The following SCN11A variants were observed in gnomAD, a reference collection of about 807,000 sequenced individuals.
SCN11A encodes the protein sodium channel protein type 11 subunit alpha.
Under a neutral mutation model 162.2 loss-of-function variants are expected in SCN11A, and 122 were observed. The ratio of observed to expected loss-of-function variants is 0.75; its 90% CI spans 0.65 to 0.87. The LOEUF (loss-of-function observed/expected upper bound fraction) is 0.87. Ranked by LOEUF, SCN11A falls within the 40% of genes least tolerant of loss-of-function variation. The pLI, the probability that SCN11A is intolerant of heterozygous loss-of-function variation, is 0.00. For synonymous variants in SCN11A, 758 were observed against 751.5 expected (o/e 1.01, Z -0.14); for missense variants, 2,015 against 2,181.6 (o/e 0.92, Z 1.52).
chr3:38,884,370 T>C (rs2065360254), intron 21 of SCN11A, among the ~76,000 whole-genome samples: 1 of 152,250 alleles, frequency 6.6e-6, no homozygotes, highest in Admixed American at 6.5e-5. Flanking sequence ...ATCCAACTCC[T>C]GTCCAGCTTT....
intron 28 of SCN11A, among the ~76,000 whole-genome samples, chr3:38,860,672 AT>A (rs1374111714): frequency 6.6e-6 from 1 of 152,192 alleles, no homozygotes; most frequent in Admixed American, 6.5e-5. Context: ...CAGAAAAAGC[AT>A]TTGACAAAAT....
chr3:38,871,798 C>T, intron 24 of SCN11A, 90 bp from the exon 25 acceptor site: 1 of 1,064,554 alleles, frequency 9.4e-7, no homozygotes, highest in East Asian at 2.5e-5. Flanking sequence ...ATGTGCAGGG[C>T]TTGATCTCTT....
intron 9 of SCN11A, among the ~76,000 whole-genome samples, chr3:38,925,121 G>A (rs2066117122): frequency 6.6e-6 from 1 of 151,790 alleles, no homozygotes; most frequent in South Asian, 2.1e-4. Context: ...TTGCTCACAT[G>A]CTACATAATG....
Position 38,905,399 on chromosome 3 carries a change from A to G in SCN11A, c.1474-78T>C. 3 of 1,511,094 alleles carry G rather than the reference A, an allele frequency of 2.0e-6. No homozygotes were observed. The African/African-American group carries it at 4.2e-5, about 21-fold the overall frequency. 93.6% of individuals were successfully genotyped at this position (1,511,094 alleles called of 1,614,324 possible). A position where few individuals can be genotyped will look rare whatever the true frequency, so the allele number is the denominator to read the frequency against. ...AAACTTAACAAACTACTTTGTTCCAATGCTACATGTAATGAAAGTGCTCAA... is the reference window on the plus strand; with the variant it reads ...AAACTTAACAAACTACTTTGTTCCAGTGCTACATGTAATGAAAGTGCTCAA... On this transcript the variant is annotated intron_variant, in intron 14 of 29. Transcript: ENST00000302328.
chr3:38,957,606 G>A (rs1045102146), intron 3 of SCN11A, among the ~76,000 whole-genome samples: 1 of 152,152 alleles, frequency 6.6e-6, no homozygotes, highest in African/African-American at 2.4e-5. Flanking sequence ...GAGCCCAGGG[G>A]CCAGTCTTGC....
At position 38,928,253 on chromosome 3, in the gene SCN11A, A is replaced by C. The variant is rs1345542942; in HGVS notation, c.489-1322T>G. Among the ~76,000 whole-genome samples, 3 of 152,220 alleles carry C rather than the reference A, an allele frequency of 2.0e-5. No individual in the cohort carries two copies. In the East Asian group the frequency reaches 5.8e-4, roughly 29 times the overall value. ...ACCTAACAAGGGGTTAACATCCAGAATATGTAAATAACTCTGACAACAGAA... is the reference window on the plus strand; with the variant it reads ...ACCTAACAAGGGGTTAACATCCAGACTATGTAAATAACTCTGACAACAGAA... On this transcript the variant is annotated intron_variant, in intron 7 of 29. Coordinates refer to ENST00000302328, the MANE Select transcript of SCN11A (RefSeq NM_001349253.2).
chr3:38,846,068 T>C lies in SCN11A; in HGVS notation c.*626A>G, dbSNP rs1261344513. On this transcript the variant is annotated 3_prime_UTR_variant, in exon 30 of 30. Transcript: ENST00000302328. Reference sequence around the variant, plus strand: ...AATACAACTTAAAATTTTAATGTGTTTTTTGTTTCTTATTCTTTTTTGTTT... The same window carrying C: ...AATACAACTTAAAATTTTAATGTGTCTTTTGTTTCTTATTCTTTTTTGTTT... The C allele has an allele frequency of 6.6e-6, 1 of 152,184 alleles. No homozygotes were observed. Among genetic ancestry groups the C allele is most frequent in the Non-Finnish European group, 1.5e-5 (1 of 68,030 alleles). The allele number at this position is 152,184 out of a possible 1,614,324, so 9.4% of individuals were successfully genotyped here.
intron 7 of SCN11A, among the ~76,000 whole-genome samples, chr3:38,939,872 C>T (rs187088025): frequency 6.7e-6 from 1 of 150,356 alleles, no homozygotes; most frequent in African/African-American, 2.4e-5. Flanking sequence ...CATTGCACTC[C>T]AGCCTGAGCG....
intron 22 of SCN11A, among the ~76,000 whole-genome samples, chr3:38,882,390 A>G (rs1421713678): frequency 6.6e-6 from 1 of 152,198 alleles, no homozygotes; most frequent in Non-Finnish European, 1.5e-5. Flanking sequence ...TGGGTTTAGT[A>G]ATATGGAACC....
chr3:38,863,448 G>C (rs142520183), intron 27 of SCN11A, 149 bp from the exon 28 acceptor site: 102 of 552,600 alleles, frequency 1.8e-4, no homozygotes, highest in African/African-American at 1.8e-3. Context: ...GGACCATAGC[G>C]AAATGCTGTA....
intron 23 of SCN11A, among the ~76,000 whole-genome samples, chr3:38,875,924 C>T (rs1185986069): frequency 6.6e-6 from 1 of 152,032 alleles, no homozygotes; most frequent in Admixed American, 6.6e-5. Flanking sequence ...CCAAAAAGAA[C>T]AAATCTGGAG....
At chr3:38,969,925 CCAAT>C (rs1158463359) in intron 2 of SCN11A, among the ~76,000 whole-genome samples, 7 of 151,624 alleles carry the variant, frequency 4.6e-5, no homozygotes, top group Non-Finnish European at 8.8e-5. Context: ...ATAAGGTGGC[CCAAT>C]CAAAGCCTCC....
chr3:38,879,712 G>T (rs892207820), intron 23 of SCN11A, among the ~76,000 whole-genome samples: 17 of 152,150 alleles, frequency 1.1e-4, no homozygotes, highest in African/African-American at 4.1e-4. Context: ...TCCCATCATG[G>T]GAAAGGTTGT....
intron 2 of SCN11A, among the ~76,000 whole-genome samples, chr3:38,961,676 C>T (rs747661781): frequency 6.6e-6 from 1 of 152,092 alleles, no homozygotes; most frequent in East Asian, 1.9e-4. Context: ...CTTAAAGAGC[C>T]CTGGCCTTTT....
At position 38,931,278 on chromosome 3, in the gene SCN11A, C is replaced by A. The variant is rs181402956; in HGVS notation, c.489-4347G>T. On this transcript the variant is annotated intron_variant, in intron 7 of 29. Transcript: ENST00000302328. ...TAACCAGGTTCCAGGTTCCACCCAG[C>A]AACAGAGACAGACAGTCCCTACAAA... Among the ~76,000 whole-genome samples, 716 of 152,334 alleles carry A rather than the reference C, an allele frequency of 4.7e-3. 2 individuals carry two copies. The highest frequency in any genetic ancestry group is 6.8e-3 in the Middle Eastern group (2 of 294).
rs1553640810 is a variant in SCN11A at position 38,921,103 on chromosome 3, T to C, written c.865A>G (p.Lys289Glu). The C allele has an allele frequency of 9.9e-6, 16 of 1,614,082 alleles. No homozygotes were observed. The highest frequency in any genetic ancestry group is 1.3e-5 in the African/African-American group (1 of 75,038). Reference protein sequence around the residue: ...LNLKCISRDCKNISNPEAYDH... With the variant: ...LNLKCISRDCENISNPEAYDH... ...TAAGCTTCCGGGTTACTGATATTTT[T>C]ACAGTCCCTCGAGATGCATTTCAGG... is the stretch of plus-strand genomic sequence containing the variant. The change falls in exon 10 of 30, where the codon AAA (lysine) becomes GAA (glutamate). Residue 289 changes from lysine to glutamate, a missense_variant. By Grantham distance (56) the Lys-to-Glu change is moderately conservative. Transcript: ENST00000302328.
At chr3:39,051,049 A>C (rs1486866691) in intron 1 of SCN11A, among the ~76,000 whole-genome samples, 1 of 152,052 alleles carries the variant, frequency 6.6e-6, no homozygotes, top group Non-Finnish European at 1.5e-5. Context: ...GATGATTTAA[A>C]CTAGAATTGT....
intron 14 of SCN11A, 80 bp from the exon 15 acceptor site, chr3:38,905,401 G>T: frequency 6.7e-7 from 1 of 1,500,592 alleles, no homozygotes; most frequent in Non-Finnish European, 9.0e-7. Context: ...TTGTTCCAAT[G>T]CTACATGTAA....
At chr3:39,032,220 T>G (rs141579156) in intron 2 of SCN11A, among the ~76,000 whole-genome samples, 160 bp downstream of exon 2, 1 of 152,370 alleles carries the variant, frequency 6.6e-6, no homozygotes, top group African/African-American at 2.4e-5. Flanking sequence ...TCTTATTCTA[T>G]TCTTTTAAAA....
Sources: gnomAD v4.1 joint callset for allele counts (sites outside exome capture counted in the v4.1 genomes callset) on GRCh38, gnomAD v4.1.1 for gene constraint, MANE v1.5 for transcripts, NCBI Gene and HGNC (gene_info 2026-07-23, HGNC 2026-07-21) for gene names.